The following DDHD1 variants were observed in gnomAD, a reference collection of about 807,000 sequenced individuals.
DDHD1 encodes the protein DDHD domain containing 1, also known as phospholipase DDHD1.
In DDHD1, 49 loss-of-function variants were observed where a neutral mutation model predicts 96.4. The ratio of observed to expected loss-of-function variants is 0.51; its 90% CI spans 0.40 to 0.64. The LOEUF (loss-of-function observed/expected upper bound fraction) is 0.64. DDHD1 is among the 30% of genes least tolerant of loss of function. The probability of loss-of-function intolerance (pLI) is 0.00; values close to 1 mark genes in which losing one functional copy is unlikely to be tolerated. For missense variants in DDHD1, 1,106 were observed against 1,161.2 expected, an observed-to-expected ratio of 0.95 and a Z score of 0.69; for synonymous variants, 442 against 446.5, an observed-to-expected ratio of 0.99 and a Z score of 0.13.
intron 1 of DDHD1, 102 bp from the exon 2 acceptor site, chr14:53,103,958 A>C: frequency 9.5e-7 from 1 of 1,048,002 alleles, no homozygotes; most frequent in Non-Finnish European, 1.3e-6. Flanking sequence ...CTGTCACAAA[A>C]ACAGATTTTC....
chr14:53,150,399 C>T (rs867474567), intron 1 of DDHD1, among the ~76,000 whole-genome samples: 6 of 152,174 alleles, frequency 3.9e-5, no homozygotes, highest in Admixed American at 1.3e-4. Flanking sequence ...GCTAAGTGGC[C>T]TTGGACAAGT....
intron 1 of DDHD1, among the ~76,000 whole-genome samples, chr14:53,140,514 G>A (rs1230169264): frequency 6.6e-6 from 1 of 152,172 alleles, no homozygotes; most frequent in Non-Finnish European, 1.5e-5. Context: ...CTGGGCAACA[G>A]AGCAAGACTC....
At position 53,124,018 on chromosome 14, in the gene DDHD1, G is replaced by T. The variant is rs1274872219; in HGVS notation, c.839-20162C>A. 2.0e-5 allele frequency among the ~76,000 whole-genome samples: 3 copies of T among 151,660 alleles called. No individual in the cohort carries two copies. The East Asian group carries it at 5.8e-4, about 29-fold the overall frequency. On this transcript the variant is annotated intron_variant, in intron 1 of 12. Transcript: ENST00000673822. ...AGGCCAAGGCGGGCGGATCACCTGA[G>T]GTCAGGAGTTCGAGACCAGCCTGGC...
rs1308427287 is a variant in DDHD1 at position 53,042,285 on chromosome 14, T to A, written c.*4483A>T. ...TGAATTTGTCAATTCCTAAACTTAG[T>A]TTCTGACATGACACCTGTTAATATT... On this transcript the variant is annotated 3_prime_UTR_variant, in exon 13 of 13. Coordinates refer to ENST00000673822, the MANE Select transcript of DDHD1 (RefSeq NM_001160148.2). 1.3e-5 allele frequency: 2 copies of A among 152,192 alleles called. No individual in the cohort carries two copies. The highest frequency in any genetic ancestry group is 2.9e-5 in the Non-Finnish European group (2 of 68,028). 9.4% of individuals were successfully genotyped at this position (152,192 alleles called of 1,614,324 possible).
At chr14:53,095,423 C>T (rs757642764) in intron 2 of DDHD1, among the ~76,000 whole-genome samples, 2 of 152,088 alleles carry the variant, frequency 1.3e-5, no homozygotes, top group Non-Finnish European at 2.9e-5. Context: ...GATGTATGAT[C>T]ATAAGACATT....
intron 4 of DDHD1, among the ~76,000 whole-genome samples, chr14:53,079,502 C>T (rs1034747363): frequency 4.6e-5 from 7 of 152,152 alleles, no homozygotes; most frequent in Admixed American, 4.6e-4. Context: ...TGGTAGTTTG[C>T]TTCTAGAAAT....
chr14:53,073,623 C>CA (rs1884710255), intron 5 of DDHD1, 118 bp downstream of exon 5: 7 of 724,728 alleles, frequency 9.7e-6, no homozygotes, highest in Non-Finnish European at 1.6e-5. Flanking sequence ...TATCTCAAGA[C>CA]AATTAAATTG....
chr14:53,066,184 TTC>T lies in DDHD1; in HGVS notation c.1504-2981_1504-2980del, dbSNP rs569952372. Among the ~76,000 whole-genome samples the T allele has an allele frequency of 7.4e-4, 113 of 152,208 alleles. 5 individuals carry two copies. The East Asian group carries it at 0.016, about 22-fold the overall frequency. On this transcript the variant is annotated intron_variant, in intron 6 of 12. Coordinates refer to ENST00000673822, the MANE Select transcript of DDHD1 (RefSeq NM_001160148.2). ...TTTTGTTTTTTTAGATGGAATTTCG[TTC>T]TGTTGCCCAGGCTGGAGTGTGGTGG...
At chr14:53,062,029 C>T (rs1215981424) in intron 7 of DDHD1, among the ~76,000 whole-genome samples, 7 of 124,602 alleles carry the variant, frequency 5.6e-5, no homozygotes, top group Middle Eastern at 4.9e-3. Flanking sequence ...AGCAAGACTC[C>T]GTCTCCAAAA....
chr14:53,075,568 T>C (rs1884885376), intron 4 of DDHD1, among the ~76,000 whole-genome samples: 1 of 152,184 alleles, frequency 6.6e-6, no homozygotes, highest in African/African-American at 2.4e-5. Context: ...AGTGCTAATG[T>C]AGAAGCTGCA....
chr14:53,066,303 C>T (rs888000106), intron 6 of DDHD1, among the ~76,000 whole-genome samples: 4 of 152,118 alleles, frequency 2.6e-5, no homozygotes, highest in Admixed American at 6.5e-5. Flanking sequence ...AGGTGTGCAC[C>T]ACCACGCCTG....
rs188843146 is a variant in DDHD1, at chr14:53,066,582, A to G, written c.1504-3377T>C. Among the ~76,000 whole-genome samples the G allele has an allele frequency of 5.6e-4, 85 of 152,324 alleles. 1 individual carries two copies. The East Asian group carries it at 0.015, about 27-fold the overall frequency. ...CTAATCATTCCTTCCCTAAGGAAAC[A>G]TATACTTTTAAATAATTTATCCTAG... On this transcript the variant is annotated intron_variant, in intron 6 of 12. Transcript: ENST00000673822.
At chr14:53,127,804 T>C (rs1889563239) in intron 1 of DDHD1, among the ~76,000 whole-genome samples, 1 of 152,236 alleles carries the variant, frequency 6.6e-6, no homozygotes, top group Non-Finnish European at 1.5e-5. Flanking sequence ...GGTAGGTCTT[T>C]TTATGTGAAA....
intron 2 of DDHD1, chr14:53,096,271 A>G: frequency 1.2e-6 from 1 of 853,756 alleles, no homozygotes; most frequent in Non-Finnish European, 1.4e-6. Context: ...GAGATTTGCC[A>G]TTTTGCCTTT....
intron 4 of DDHD1, among the ~76,000 whole-genome samples, chr14:53,078,543 T>C (rs984533504): frequency 2.0e-5 from 3 of 152,188 alleles, no homozygotes; most frequent in Admixed American, 1.3e-4. Context: ...TTATCAGATA[T>C]GTGGTTTGCT....
chr14:53,065,657 A>G (rs1204662851), intron 6 of DDHD1, among the ~76,000 whole-genome samples: 1 of 152,208 alleles, frequency 6.6e-6, no homozygotes, highest in African/African-American at 2.4e-5. Context: ...GGGTTCTCCC[A>G]TGAGCATGTA....
intron 1 of DDHD1, among the ~76,000 whole-genome samples, chr14:53,147,084 C>T (rs1317849144): frequency 6.6e-6 from 1 of 152,070 alleles, no homozygotes; most frequent in Non-Finnish European, 1.5e-5. Context: ...TCATCTTAGG[C>T]TTCCTGTGAA....
chr14:53,077,208 A>G (rs139008198), intron 4 of DDHD1, among the ~76,000 whole-genome samples: 153 of 152,294 alleles, frequency 1.0e-3, no homozygotes, highest in African/African-American at 3.5e-3. Context: ...ACTACTCCAT[A>G]TGTACATAGG....
At chr14:53,131,653 G>T (rs371294287) in intron 1 of DDHD1, among the ~76,000 whole-genome samples, 1 of 152,038 alleles carries the variant, frequency 6.6e-6, no homozygotes, top group Non-Finnish European at 1.5e-5. Context: ...CTGTACTGCC[G>T]GAAGGCTTCA....
Sources: allele counts gnomAD v4.1 joint callset (sites outside exome capture counted in the v4.1 genomes callset), GRCh38; gene constraint gnomAD v4.1.1; transcripts MANE v1.5; gene names NCBI Gene and HGNC (gene_info 2026-07-23, HGNC 2026-07-21).